ITGA8: variants seen among roughly 807,000 people sequenced by gnomAD.
ITGA8 encodes the protein integrin alpha-8.
ITGA8 carries 91 observed loss-of-function variants against 142.3 expected under a neutral mutation model. That is an observed-to-expected ratio of 0.64 (90% confidence interval 0.54 to 0.76). The LOEUF is 0.76. Ranked by LOEUF, ITGA8 falls within the 30% of genes least tolerant of loss-of-function variation. The pLI, the probability that ITGA8 is intolerant of heterozygous loss-of-function variation, is 0.00. For synonymous variants in ITGA8, 505 were observed against 485.2 expected, an observed-to-expected ratio of 1.04 and a Z score of -0.54; for missense variants, 1,406 against 1,327.7, an observed-to-expected ratio of 1.06 and a Z score of -0.92.
At chr10:15,697,626 T>TA (rs1244550709) in intron 2 of ITGA8, among the ~76,000 whole-genome samples, 1 of 152,240 alleles carries the variant, frequency 6.6e-6, no homozygotes, top group Non-Finnish European at 1.5e-5. Context: ...AAGCAGCCCA[T>TA]AGACAGTATG....
chr10:15,692,027 C>A (rs1278697884), intron 2 of ITGA8, among the ~76,000 whole-genome samples: 1 of 152,114 alleles, frequency 6.6e-6, no homozygotes, highest in Non-Finnish European at 1.5e-5. Flanking sequence ...GCCTCGACTT[C>A]TCTGGGCTCA....
chr10:15,584,107 G>A (rs1231544040), intron 23 of ITGA8, among the ~76,000 whole-genome samples: 2 of 152,114 alleles, frequency 1.3e-5, no homozygotes, highest in African/African-American at 4.8e-5. Context: ...GACCAGCCTG[G>A]CCAACATGGT....
intron 2 of ITGA8, among the ~76,000 whole-genome samples, chr10:15,693,484 G>C (rs1302722360): frequency 6.6e-6 from 1 of 152,116 alleles, no homozygotes; most frequent in Non-Finnish European, 1.5e-5. Flanking sequence ...TTATGCTTTT[G>C]ATGTTTCCAG....
intron 6 of ITGA8, among the ~76,000 whole-genome samples, chr10:15,673,164 A>T (rs542665888): frequency 1.3e-5 from 2 of 151,766 alleles, no homozygotes; most frequent in East Asian, 1.9e-4. Context: ...GCTCACTGCA[A>T]CCTCTGTCTC....
At chr10:15,591,709 C>G (rs1383572982) in intron 22 of ITGA8, among the ~76,000 whole-genome samples, 1 of 152,156 alleles carries the variant, frequency 6.6e-6, no homozygotes, top group African/African-American at 2.4e-5. Flanking sequence ...ACCTATATGG[C>G]TCTGCTTATC....
intron 13 of ITGA8, among the ~76,000 whole-genome samples, chr10:15,616,932 T>C (rs975649977): frequency 6.6e-6 from 1 of 152,212 alleles, no homozygotes; most frequent in Non-Finnish European, 1.5e-5. Flanking sequence ...TTTCGTGTTA[T>C]CACTCTCACC....
chr10:15,652,270 GC>G (rs1418041875), intron 11 of ITGA8, among the ~76,000 whole-genome samples: 1 of 152,222 alleles, frequency 6.6e-6, no homozygotes, highest in East Asian at 1.9e-4. Context: ...GAAGGACGGT[GC>G]CCTGCAGGGC....
At chr10:15,638,713 T>C (rs1833816024) in intron 13 of ITGA8, among the ~76,000 whole-genome samples, 1 of 152,212 alleles carries the variant, frequency 6.6e-6, no homozygotes, top group Non-Finnish European at 1.5e-5. Flanking sequence ...TTTGCATTTG[T>C]TTTCTCATAA....
chr10:15,684,893 C>G (rs1834807356), intron 3 of ITGA8, among the ~76,000 whole-genome samples: 1 of 152,166 alleles, frequency 6.6e-6, no homozygotes, highest in African/African-American at 2.4e-5. Context: ...AGGATGCAAA[C>G]AAGCTAGTAA....
rs1833722561 is a variant in ITGA8, at chr10:15,548,513, C to T, written c.2822G>A (p.Gly941Glu). Residue 941 changes from glycine (G) to glutamate (E), a missense_variant, in exon 27 of 30, where the codon GGA (glycine) becomes GAA (glutamate). By Grantham distance (98) the Gly-to-Glu change is moderately conservative. Transcript: ENST00000378076. ...GACTTTCAGGACTGCGCTTTCTCCT[C>T]CTTCGAGTCGTCCCACTGCACAGGA... ...QISCAVGRLE[G>E]GESAVLKVRS... 2.5e-6 allele frequency: 4 copies of T among 1,601,386 alleles called. No individual in the cohort carries two copies. The highest frequency in any genetic ancestry group is 3.4e-6 in the Non-Finnish European group (4 of 1,176,784).
chr10:15,633,441 TA>T (rs1261204610), intron 13 of ITGA8, among the ~76,000 whole-genome samples: 3 of 152,198 alleles, frequency 2.0e-5, no homozygotes, highest in African/African-American at 7.2e-5. Flanking sequence ...TATTTTTATT[TA>T]TTTTTTTGAG....
chr10:15,628,201 C>T (rs887696868), intron 13 of ITGA8, among the ~76,000 whole-genome samples: 1 of 151,746 alleles, frequency 6.6e-6, no homozygotes, highest in African/African-American at 2.4e-5. Flanking sequence ...AAGAAGTTAA[C>T]AGTAAGTATA....
intron 23 of ITGA8, among the ~76,000 whole-genome samples, chr10:15,584,519 G>A (rs1832787585): frequency 6.6e-6 from 1 of 152,148 alleles, no homozygotes; most frequent in African/African-American, 2.4e-5. Flanking sequence ...TGGGATAACA[G>A]AAACTTCACC....
chr10:15,567,282 C>T (rs1219396219), intron 25 of ITGA8, among the ~76,000 whole-genome samples: 3 of 152,136 alleles, frequency 2.0e-5, no homozygotes, highest in Non-Finnish European at 4.4e-5. Context: ...GTGCAGGACT[C>T]TCCAAACCCT....
intron 6 of ITGA8, among the ~76,000 whole-genome samples, chr10:15,675,251 A>G (rs1457185215): frequency 2.6e-5 from 4 of 152,200 alleles, no homozygotes; most frequent in Non-Finnish European, 5.9e-5. Context: ...TTCATACACA[A>G]CAGAACAAGA....
intron 25 of ITGA8, among the ~76,000 whole-genome samples, chr10:15,559,050 A>G (rs1008630314): frequency 6.6e-6 from 1 of 152,222 alleles, no homozygotes; most frequent in South Asian, 2.1e-4. Context: ...GCCCATCTCT[A>G]TGGAATGAAG....
At chr10:15,662,780 C>T (rs117816396) in intron 8 of ITGA8, among the ~76,000 whole-genome samples, 1 of 152,256 alleles carries the variant, frequency 6.6e-6, no homozygotes, top group East Asian at 1.9e-4. Flanking sequence ...CACCATTGAA[C>T]TCATAGTTGG....
chr10:15,700,263 A>G (rs1835137132), intron 2 of ITGA8, among the ~76,000 whole-genome samples: 1 of 152,162 alleles, frequency 6.6e-6, no homozygotes, highest in Non-Finnish European at 1.5e-5. Context: ...CTCTGCAATA[A>G]TAAAACCTGA....
At chr10:15,617,023 A>T (rs1832199371) in intron 13 of ITGA8, among the ~76,000 whole-genome samples, 1 of 152,230 alleles carries the variant, frequency 6.6e-6, no homozygotes, top group African/African-American at 2.4e-5. Context: ...TTTGCTCTTT[A>T]CAAATAGTAT....
Sources: allele counts gnomAD v4.1 joint callset (sites outside exome capture counted in the v4.1 genomes callset), GRCh38; gene constraint gnomAD v4.1.1; transcripts MANE v1.5; gene names NCBI Gene and HGNC (gene_info 2026-07-23, HGNC 2026-07-21).